Variants in SLMAP observed in about 807,000 individuals in gnomAD.
The protein encoded by SLMAP is sarcolemma associated protein.
A neutral mutation model predicts 128.8 loss-of-function variants in SLMAP; 44 were observed. The observed-to-expected ratio is 0.34, with a 90% confidence interval of 0.27 to 0.44. The LOEUF is 0.44. SLMAP is among the 20% of genes least tolerant of loss of function. The pLI is 1.00. For missense variants in SLMAP, 787 were observed against 985.3 expected (o/e 0.80, Z 2.69); for synonymous variants, 327 against 348.8 (o/e 0.94, Z 0.70).
At chr3:57,803,692 C>G (rs2153499825) in intron 2 of SLMAP, among the ~76,000 whole-genome samples, 1 of 152,308 alleles carries the variant, frequency 6.6e-6, no homozygotes, top group African/African-American at 2.4e-5. Flanking sequence ...CTGTCTGACT[C>G]AAACTCTGGA....
chr3:57,860,552 C>A, intron 8 of SLMAP, 147 bp from the exon 9 acceptor site: 2 of 544,670 alleles, frequency 3.7e-6, no homozygotes, highest in Non-Finnish European at 5.8e-6. Flanking sequence ...GTAAATACAT[C>A]TTTAGTTAAT....
rs372042319 is a variant in SLMAP, at chr3:57,837,461, T to G, written c.347-3838T>G. ...TCGGTTCACTGCAAGCTCTGCCTCC[T>G]GGGTTCTTGCCATTCTCCTGCCTCA... On this transcript the variant is annotated intron_variant, in intron 3 of 24. Transcript: ENST00000671191. Among the ~76,000 whole-genome samples the G allele has an allele frequency of 5.2e-4, 79 of 152,308 alleles. 1 individual carries two copies. The highest frequency in any genetic ancestry group is 1.8e-3 in the African/African-American group (73 of 41,568).
At chr3:57,839,594 A>G (rs925545568) in intron 3 of SLMAP, among the ~76,000 whole-genome samples, 1 of 150,804 alleles carries the variant, frequency 6.6e-6, no homozygotes, top group Non-Finnish European at 1.5e-5. Flanking sequence ...GGCACCTGCC[A>G]CCATACCGGC....
At chr3:57,825,977 G>T (rs2153538103) in intron 2 of SLMAP, among the ~76,000 whole-genome samples, 1 of 152,166 alleles carries the variant, frequency 6.6e-6, no homozygotes, top group Non-Finnish European at 1.5e-5. Flanking sequence ...TTGTTTTTCA[G>T]TGTTTCTATG....
At chr3:57,895,043 G>A (rs2096203664) in intron 15 of SLMAP, among the ~76,000 whole-genome samples, 1 of 151,896 alleles carries the variant, frequency 6.6e-6, no homozygotes, top group Admixed American at 6.6e-5. Context: ...TGTAATTCTA[G>A]CACTTGGGAG....
chr3:57,860,639 C>T, intron 8 of SLMAP, 60 bp from the exon 9 acceptor site: 1 of 1,309,052 alleles, frequency 7.6e-7, no homozygotes, highest in Non-Finnish European at 1.0e-6. Flanking sequence ...TAATTTTTTT[C>T]AAACAATAAA....
intron 23 of SLMAP, 76 bp from the exon 24 acceptor site, chr3:57,925,769 C>T: frequency 1.0e-6 from 1 of 975,590 alleles, no homozygotes; most frequent in Non-Finnish European, 1.6e-6. Flanking sequence ...TACCTCCCAC[C>T]CTACTGGGGT....
chr3:57,885,972 C>G (rs1184069429), intron 14 of SLMAP, among the ~76,000 whole-genome samples: 1 of 149,438 alleles, frequency 6.7e-6, no homozygotes, highest in Admixed American at 6.7e-5. Context: ...TTAGTAGAGA[C>G]GGGGTTTCAC....
At chr3:57,870,223 T>G (rs956895046) in intron 13 of SLMAP, among the ~76,000 whole-genome samples, 2 of 152,080 alleles carry the variant, frequency 1.3e-5, no homozygotes, top group African/African-American at 4.8e-5. Flanking sequence ...GTAGTTTGAG[T>G]TTTTAAAGTG....
At chr3:57,837,778 A>G (rs924635601) in intron 3 of SLMAP, among the ~76,000 whole-genome samples, 2 of 152,234 alleles carry the variant, frequency 1.3e-5, no homozygotes, top group Non-Finnish European at 2.9e-5. Context: ...GTTGATTAAT[A>G]TAAGTATTAG....
rs1160078632 is a variant in SLMAP, at chr3:57,861,965, C to G, written c.845C>G (p.Thr282Ser). 1 of 1,611,832 alleles carries G rather than the reference C, an allele frequency of 6.2e-7. No individual in the cohort carries two copies. Among genetic ancestry groups the G allele is most frequent in the Admixed American group, 1.7e-5 (1 of 59,926 alleles). ...GAATCGCAGCGAAGTCTGAGTAATA[C>G]TGAAGATGAATGTACCCATCTGAAA... ...LSEVERSLSN[T>S]EDECTHLKEM... Residue 282 changes from threonine to serine, a missense_variant, in exon 10 of 25, where the codon ACT becomes AGT. Around this residue, in one of 2 missense-constraint regions of SLMAP, gnomAD observed 715 missense variants for 843.6 expected, o/e 0.85. Coordinates refer to ENST00000671191, the MANE Select transcript of SLMAP (RefSeq NM_001377540.1).
intron 2 of SLMAP, among the ~76,000 whole-genome samples, chr3:57,765,540 A>G (rs1349401766): frequency 6.6e-6 from 1 of 152,250 alleles, no homozygotes; most frequent in African/African-American, 2.4e-5. Context: ...TTGACAACCA[A>G]GATTGTTTCT....
At chr3:57,883,562 C>T (rs2095802022) in intron 14 of SLMAP, among the ~76,000 whole-genome samples, 1 of 152,000 alleles carries the variant, frequency 6.6e-6, no homozygotes, top group Non-Finnish European at 1.5e-5. Flanking sequence ...AGTAGTGTTT[C>T]CAAAGGGAGG....
intron 10 of SLMAP, among the ~76,000 whole-genome samples, 189 bp from the exon 11 acceptor site, chr3:57,864,359 G>A (rs1320517718): frequency 6.6e-6 from 1 of 151,668 alleles, no homozygotes; most frequent in Non-Finnish European, 1.5e-5. Flanking sequence ...TAGGCAACAA[G>A]AGTGAAACTC....
In SLMAP at chr3:57,922,990, C is replaced by T; in HGVS notation, c.2412C>T (p.Asn804=). 1 of 1,613,704 alleles carries T rather than the reference C, an allele frequency of 6.2e-7. No individual in the cohort carries two copies. Among genetic ancestry groups the T allele is most frequent in the South Asian group, 1.1e-5 (1 of 91,068 alleles). Residue 804 remains asparagine, a synonymous_variant, in exon 23 of 25, where the codon AAC becomes AAT. Transcript: ENST00000671191. Reference sequence around the variant, plus strand: ...CAGATGAGCTCAAACAGTGTAAAAACAACCTGAAGCTGCTCCGAGAGAAAG... The same window carrying T: ...CAGATGAGCTCAAACAGTGTAAAAATAACCTGAAGCTGCTCCGAGAGAAAG... ...SITDELKQCK[N]NLKLLREKGN...
chr3:57,874,411 A>AATTTG (rs1450598200), intron 14 of SLMAP, among the ~76,000 whole-genome samples: 5 of 152,178 alleles, frequency 3.3e-5, no homozygotes, highest in African/African-American at 1.2e-4. Context: ...ACTCAGTTAC[A>AATTTG]ATTTGCAAAA....
At chr3:57,845,397 G>A (rs1476853142) in intron 4 of SLMAP, among the ~76,000 whole-genome samples, 3 of 152,194 alleles carry the variant, frequency 2.0e-5, no homozygotes, top group Non-Finnish European at 1.5e-5. Context: ...GCATTTTAGT[G>A]TATTTGTGAC....
intron 2 of SLMAP, among the ~76,000 whole-genome samples, chr3:57,814,846 G>A (rs188589898): frequency 1.3e-5 from 2 of 152,016 alleles, no homozygotes; most frequent in Admixed American, 1.3e-4. Flanking sequence ...AACTAGCTGG[G>A]TGTGGTGAAT....
At chr3:57,882,931 T>C (rs569194990) in intron 14 of SLMAP, among the ~76,000 whole-genome samples, 3 of 152,290 alleles carry the variant, frequency 2.0e-5, no homozygotes, top group African/African-American at 7.2e-5. Flanking sequence ...GCTGTGTTCA[T>C]GTAACAGGCA....
Sources: gnomAD v4.1 joint callset for allele counts (sites outside exome capture counted in the v4.1 genomes callset) on GRCh38, gnomAD v4.1.1 for gene constraint, gnomAD v4.1.1 regional missense constraint, MANE v1.5 for transcripts, NCBI Gene and HGNC (gene_info 2026-07-23, HGNC 2026-07-21) for gene names.